The following CLSTN2 variants were observed in gnomAD, a reference collection of about 807,000 sequenced individuals.
CLSTN2 encodes calsyntenin 2.
Under a neutral mutation model 101.2 loss-of-function variants are expected in CLSTN2, and 48 were observed. That is an observed-to-expected ratio of 0.47 (90% CI 0.38 to 0.60). The LOEUF (loss-of-function observed/expected upper bound fraction) is 0.60. Ranked by LOEUF, CLSTN2 falls within the 20% of genes least tolerant of loss-of-function variation. The pLI, the probability that CLSTN2 is intolerant of heterozygous loss-of-function variation, is 0.00. For synonymous variants in CLSTN2, 481 were observed against 463.6 expected (o/e 1.04, Z -0.48); for missense variants, 1,160 against 1,238.2 (o/e 0.94, Z 0.95).
intron 8 of CLSTN2, among the ~76,000 whole-genome samples, chr3:140,519,108 G>C (rs1333454114): frequency 6.6e-6 from 1 of 152,186 alleles, no homozygotes; most frequent in Non-Finnish European, 1.5e-5. Flanking sequence ...TCCAGGAGCA[G>C]GTTGTGTAAT....
chr3:140,467,060 A>G (rs1453682177), intron 8 of CLSTN2, among the ~76,000 whole-genome samples: 1 of 152,166 alleles, frequency 6.6e-6, no homozygotes, highest in African/African-American at 2.4e-5. Flanking sequence ...CTCTGTTAGC[A>G]CATCTTTAAA....
intron 1 of CLSTN2, among the ~76,000 whole-genome samples, chr3:140,154,641 CTTT>C (rs35699283): frequency 2.2e-5 from 2 of 92,874 alleles, no homozygotes; most frequent in Admixed American, 1.6e-4. Flanking sequence ...AAGTATCACC[CTTT>C]TTTTTTTTTT....
rs1985686504 is a variant in CLSTN2 at position 140,574,966 on chromosome 3, C to T, written c.*8713C>T. Reference sequence around the variant, plus strand: ...TGGGTCATGGATGTTAATATAAAGGCTCATCCACCCTTGGTGGCAAAAGTG... The same window carrying T: ...TGGGTCATGGATGTTAATATAAAGGTTCATCCACCCTTGGTGGCAAAAGTG... On this transcript the variant is annotated 3_prime_UTR_variant, in exon 17 of 17. Transcript: ENST00000458420. The T allele has an allele frequency of 6.6e-6, 1 of 152,148 alleles. No homozygotes were observed. The highest frequency in any genetic ancestry group is 2.1e-4 in the South Asian group (1 of 4,826). 9.4% of individuals were successfully genotyped at this position (152,148 alleles called of 1,614,324 possible).
chr3:140,346,437 A>T (rs2087546431), intron 2 of CLSTN2, among the ~76,000 whole-genome samples: 2 of 152,218 alleles, frequency 1.3e-5, no homozygotes, highest in Admixed American at 6.5e-5. Context: ...CTCCCTTTCA[A>T]CCCACTCCGT....
intron 2 of CLSTN2, among the ~76,000 whole-genome samples, chr3:140,349,482 A>G (rs2087583689): frequency 6.6e-6 from 1 of 152,204 alleles, no homozygotes. Flanking sequence ...GGGATAATCC[A>G]TTTATTGATT....
At chr3:140,018,061 T>C (rs749434657) in intron 1 of CLSTN2, among the ~76,000 whole-genome samples, 2 of 152,196 alleles carry the variant, frequency 1.3e-5, no homozygotes, top group Non-Finnish European at 2.9e-5. Context: ...TTCTTTTGAG[T>C]CTGAGAAATG....
chr3:140,512,790 G>A (rs1240262538), intron 8 of CLSTN2, among the ~76,000 whole-genome samples: 1 of 152,144 alleles, frequency 6.6e-6, no homozygotes, highest in Non-Finnish European at 1.5e-5. Context: ...TAAATTCCTT[G>A]AGTAGTGGTT....
chr3:139,981,390 G>T (rs1935919282), intron 1 of CLSTN2, among the ~76,000 whole-genome samples: 1 of 152,192 alleles, frequency 6.6e-6, no homozygotes, highest in Admixed American at 6.5e-5. Flanking sequence ...ACATAAAATA[G>T]TATAAGTATT....
intron 10 of CLSTN2, among the ~76,000 whole-genome samples, chr3:140,555,166 G>A (rs1935770674): frequency 6.6e-6 from 1 of 152,242 alleles, no homozygotes; most frequent in African/African-American, 2.4e-5. Context: ...TCATGGCAGA[G>A]AGAAAGGGAT....
intron 2 of CLSTN2, among the ~76,000 whole-genome samples, chr3:140,401,962 G>A (rs1040394521): frequency 1.3e-5 from 2 of 152,178 alleles, no homozygotes; most frequent in African/African-American, 2.4e-5. Context: ...ACTGGAACTG[G>A]GTCCATAACC....
intron 1 of CLSTN2, among the ~76,000 whole-genome samples, chr3:140,011,921 T>C (rs1397457559): frequency 6.6e-6 from 1 of 151,872 alleles, no homozygotes. Flanking sequence ...GTCAGGAAAT[T>C]GAGACCAGGG....
At chr3:140,529,912 T>C (rs1395765152) in intron 8 of CLSTN2, among the ~76,000 whole-genome samples, 1 of 152,210 alleles carries the variant, frequency 6.6e-6, no homozygotes, top group Non-Finnish European at 1.5e-5. Context: ...AGGATTTTTA[T>C]TTATTTTTTA....
intron 5 of CLSTN2, among the ~76,000 whole-genome samples, chr3:140,431,326 A>C (rs926502988): frequency 6.6e-6 from 1 of 152,212 alleles, no homozygotes; most frequent in Admixed American, 6.5e-5. Context: ...AGAGAAACAC[A>C]AAGTGGGCCT....
At chr3:140,108,139 T>G (rs922443755) in intron 1 of CLSTN2, among the ~76,000 whole-genome samples, 8 of 152,336 alleles carry the variant, frequency 5.3e-5, no homozygotes, top group Non-Finnish European at 1.2e-4. Flanking sequence ...TCTGAAATGT[T>G]ATCTACTCAT....
chr3:140,140,847 G>A (rs2009687150), intron 1 of CLSTN2, among the ~76,000 whole-genome samples: 1 of 152,182 alleles, frequency 6.6e-6, no homozygotes, highest in South Asian at 2.1e-4. Context: ...GGATTGGATT[G>A]AATTCCTGCT....
chr3:140,176,093 C>T lies in CLSTN2; in HGVS notation c.232+20C>T, dbSNP rs1030107824. ...TTGCAGGTGAGATTATGGCTTCGTA[C>T]GGCTGGGCCTGGCTCACTTTGAAGA... On this transcript the variant is annotated intron_variant, in intron 2 of 16. Transcript: ENST00000458420. The T allele has an allele frequency of 1.7e-5, 27 of 1,612,532 alleles. No individual in the cohort carries two copies. The highest frequency in any genetic ancestry group is 8.0e-5 in the African/African-American group (6 of 74,830).
chr3:140,553,509 G>A (rs1451785241), intron 10 of CLSTN2, among the ~76,000 whole-genome samples: 1 of 152,194 alleles, frequency 6.6e-6, no homozygotes, highest in East Asian at 1.9e-4. Context: ...TTGGGGAAGT[G>A]AGAATCAGGC....
At chr3:140,321,786 T>C (rs991468923) in intron 2 of CLSTN2, among the ~76,000 whole-genome samples, 1 of 152,174 alleles carries the variant, frequency 6.6e-6, no homozygotes, top group Non-Finnish European at 1.5e-5. Context: ...AAAAAGTTCT[T>C]GGGAATACGC....
At chr3:140,359,118 C>T (rs1204296553) in intron 2 of CLSTN2, among the ~76,000 whole-genome samples, 2 of 150,502 alleles carry the variant, frequency 1.3e-5, no homozygotes, top group Non-Finnish European at 2.9e-5. Flanking sequence ...CAGGAGATGG[C>T]AGTTTCTTTG....
Sources: gnomAD v4.1 joint callset for allele counts (sites outside exome capture counted in the v4.1 genomes callset) on GRCh38, gnomAD v4.1.1 for gene constraint, MANE v1.5 for transcripts, NCBI Gene and HGNC (gene_info 2026-07-23, HGNC 2026-07-21) for gene names.